The following DDX60L variants were observed in gnomAD, a reference collection of about 807,000 sequenced individuals.
DDX60L encodes DExD/H-box 60 like, also known as probable ATP-dependent RNA helicase DDX60-like.
Under a neutral mutation model 211.6 loss-of-function variants are expected in DDX60L, and 191 were observed. That is an observed-to-expected ratio of 0.90 (90% CI 0.80 to 1.02). The LOEUF (loss-of-function observed/expected upper bound fraction) is 1.02, where lower values mean the gene tolerates loss of function less well. Ranked by LOEUF, DDX60L falls within the 50% of genes least tolerant of loss-of-function variation. The pLI is 0.00. For missense variants in DDX60L, 2,007 were observed against 1,984.1 expected (o/e 1.01, Z -0.22); for synonymous variants, 706 against 694.1 (o/e 1.02, Z -0.27).
At chr4:168,378,241 A>T in intron 33 of DDX60L, 113 bp downstream of exon 33, 1 of 565,474 alleles carries the variant, frequency 1.8e-6, no homozygotes, top group Non-Finnish European at 2.9e-6. Context: ...CAACACTATT[A>T]AAACAAATGG....
chr4:168,406,946 T>C (rs974992377), intron 22 of DDX60L, among the ~76,000 whole-genome samples: 6 of 152,272 alleles, frequency 3.9e-5, no homozygotes, highest in African/African-American at 1.4e-4. Flanking sequence ...TTCAGTACTA[T>C]TTCCTGAGAC....
chr4:168,393,584 T>C (rs955485434), intron 28 of DDX60L, among the ~76,000 whole-genome samples: 2 of 152,048 alleles, frequency 1.3e-5, no homozygotes, highest in African/African-American at 2.4e-5. Context: ...CACCTAGAAA[T>C]AGAATATTGC....
chr4:168,457,788 T>C (rs1756795113), intron 6 of DDX60L, 104 bp downstream of exon 6: 2 of 587,538 alleles, frequency 3.4e-6, no homozygotes, highest in East Asian at 5.6e-5. Context: ...TAAGGAGGTA[T>C]ATGGCACCCT....
intron 25 of DDX60L, 30 bp downstream of exon 25, chr4:168,403,952 A>AAATG: frequency 7.3e-7 from 1 of 1,362,754 alleles, no homozygotes; most frequent in Non-Finnish European, 9.8e-7. Context: ...TCACATATAA[A>AAATG]CAAAGATAAA....
intron 25 of DDX60L, among the ~76,000 whole-genome samples, chr4:168,402,864 C>T (rs73863192): frequency 0.015 from 2,220 of 152,264 alleles, 56 homozygotes; most frequent in African/African-American, 0.049. Context: ...CTGGAAACTC[C>T]GTTAAAGCTG....
At chr4:168,460,274 C>T (rs2451043) in intron 5 of DDX60L, among the ~76,000 whole-genome samples, 3 of 152,194 alleles carry the variant, frequency 2.0e-5, no homozygotes, top group Non-Finnish European at 2.9e-5. Flanking sequence ...CTAATGTCAA[C>T]TATACCAAAA....
Position 168,404,006 on chromosome 4 carries a change from T to C in DDX60L, c.3314A>G (p.Asp1105Gly). The change falls in exon 25 of 38, where the codon GAT becomes GGT. Residue 1105 changes from aspartate to glycine, a missense_variant. Physicochemically the swap from Asp to Gly is moderately conservative, Grantham distance 94. Coordinates refer to ENST00000682922, the MANE Select transcript of DDX60L (RefSeq NM_001012967.3). ...PLLVEKLRQMDKLPAIFFLFK... is the reference protein window; with the variant it reads ...PLLVEKLRQMGKLPAIFFLFK... ...CAAAAAAAATATTGCAGGCAACTTA[T>C]CCATTTGTCTTAACTTTTCAACAAG... is the stretch of plus-strand genomic sequence containing the variant. 2 of 1,485,296 alleles carry C rather than the reference T, an allele frequency of 1.3e-6. No homozygotes were observed. 92.0% of individuals were successfully genotyped at this position (1,485,296 alleles called of 1,614,324 possible). A position where few individuals can be genotyped will look rare whatever the true frequency, so the allele number is the denominator to read the frequency against.
chr4:168,374,012 T>C (rs1741496031), intron 34 of DDX60L, among the ~76,000 whole-genome samples: 1 of 152,148 alleles, frequency 6.6e-6, no homozygotes, highest in Non-Finnish European at 1.5e-5. Flanking sequence ...TTATTATCAT[T>C]ACTCTTTTTT....
intron 9 of DDX60L, among the ~76,000 whole-genome samples, chr4:168,447,268 A>C (rs1262699897): frequency 6.6e-6 from 1 of 150,708 alleles, no homozygotes; most frequent in Admixed American, 6.6e-5. Flanking sequence ...GCAGCCAAAA[A>C]ACACATGAAA....
At chr4:168,448,137 G>A (rs1387893700) in intron 9 of DDX60L, among the ~76,000 whole-genome samples, 1 of 152,018 alleles carries the variant, frequency 6.6e-6, no homozygotes, top group African/African-American at 2.4e-5. Context: ...GTCATTTAAG[G>A]GAATTAAATG....
chr4:168,401,177 T>C (rs1222539825), intron 25 of DDX60L, among the ~76,000 whole-genome samples, 199 bp from the exon 26 acceptor site: 1 of 152,190 alleles, frequency 6.6e-6, no homozygotes, highest in African/African-American at 2.4e-5. Context: ...CTCTCCAGCA[T>C]TAACACCAAT....
chr4:168,471,186 T>A (rs1385817659), intron 4 of DDX60L, among the ~76,000 whole-genome samples: 5 of 152,230 alleles, frequency 3.3e-5, no homozygotes, highest in Non-Finnish European at 7.3e-5. Context: ...ATGAAGTGTT[T>A]CAGAGTTAAA....
At chr4:168,459,816 G>GAAGGAAGGAAGGAAGGAAGGA (rs1189029281) in intron 5 of DDX60L, among the ~76,000 whole-genome samples, 3 of 140,782 alleles carry the variant, frequency 2.1e-5, no homozygotes, top group Middle Eastern at 3.7e-3. Flanking sequence ...AGGAAGGAAG[G>GAAGGAAGGAAGGAAGGAAGGA]AGGGAAGGGA....
At chr4:168,425,337 G>A (rs1346233407) in intron 14 of DDX60L, among the ~76,000 whole-genome samples, 2 of 152,230 alleles carry the variant, frequency 1.3e-5, no homozygotes, top group African/African-American at 2.4e-5. Context: ...CTGGGAAGTA[G>A]AATAGAGAGA....
intron 17 of DDX60L, among the ~76,000 whole-genome samples, chr4:168,420,974 A>G (rs1251570994): frequency 6.6e-6 from 1 of 152,124 alleles, no homozygotes. Flanking sequence ...ATATAAAAAG[A>G]TGTTTGGTGT....
Position 168,430,474 on chromosome 4 carries a change from C to A in DDX60L, c.1677+4G>T. 2.6e-6 allele frequency: 4 copies of A among 1,561,058 alleles called. No individual in the cohort carries two copies. The highest frequency in any genetic ancestry group is 2.6e-6 in the Non-Finnish European group (3 of 1,160,174). ...AAAAATTAGGTAAAATCTTTGCGAT[C>A]TACCTGTAATATTTCACCACTGGCA... is the stretch of plus-strand genomic sequence containing the variant. On this transcript the variant is annotated splice_donor_region_variant and intron_variant, in intron 13 of 37. Coordinates refer to ENST00000682922, the MANE Select transcript of DDX60L (RefSeq NM_001012967.3).
At chr4:168,372,894 T>G (rs954114586) in intron 35 of DDX60L, among the ~76,000 whole-genome samples, 4 of 152,222 alleles carry the variant, frequency 2.6e-5, no homozygotes, top group Non-Finnish European at 4.4e-5. Flanking sequence ...GGGTATCAAA[T>G]AGCTTTGATA....
chr4:168,385,570 G>A (rs1743721650), intron 29 of DDX60L, among the ~76,000 whole-genome samples: 1 of 152,142 alleles, frequency 6.6e-6, no homozygotes, highest in Non-Finnish European at 1.5e-5. Context: ...ACTTGTGACT[G>A]GTGTCTGAAG....
intron 26 of DDX60L, among the ~76,000 whole-genome samples, chr4:168,397,417 T>C (rs1297376441): frequency 2.0e-5 from 3 of 152,184 alleles, no homozygotes; most frequent in African/African-American, 4.8e-5. Context: ...TTAATCCAAA[T>C]GCTTTAATGA....
Sources: allele counts gnomAD v4.1 joint callset (sites outside exome capture counted in the v4.1 genomes callset), GRCh38; gene constraint gnomAD v4.1.1; transcripts MANE v1.5; gene names NCBI Gene and HGNC (gene_info 2026-07-23, HGNC 2026-07-21).